NXPE4: variants seen among roughly 807,000 people sequenced by gnomAD.
NXPE4 encodes the protein neurexophilin and PC-esterase domain family member 4.
A neutral mutation model predicts 33.3 loss-of-function variants in NXPE4; 42 were observed. The observed-to-expected ratio is 1.26, with a 90% CI of 0.98 to 1.63. The LOEUF (loss-of-function observed/expected upper bound fraction) is 1.63. Ranked by LOEUF, NXPE4 falls within the 40% of genes most tolerant of loss-of-function variation. The pLI, the probability that NXPE4 is intolerant of heterozygous loss-of-function variation, is 0.00. For missense variants in NXPE4, 709 were observed against 647.6 expected (o/e 1.09, Z -1.03); for synonymous variants, 253 against 234.9 (o/e 1.08, Z -0.71).
At chr11:114,615,917 G>A in the NXPE4 span, among the ~76,000 whole-genome samples, 4 of 150,052 alleles carry the variant, frequency 2.7e-5, no homozygotes, top group African/African-American at 9.9e-5. Context: ...ACTGTTACCT[G>A]GTGGATAATA....
the NXPE4 span, among the ~76,000 whole-genome samples, chr11:114,616,992 A>G: frequency 6.6e-6 from 1 of 150,614 alleles, no homozygotes; most frequent in East Asian, 1.9e-4. Flanking sequence ...CCTTGTGGGT[A>G]ACCACTGTTA....
upstream of NXPE4, among the ~76,000 whole-genome samples, chr11:114,596,060 T>A (rs1246875759): frequency 1.3e-5 from 2 of 152,198 alleles, no homozygotes; most frequent in Non-Finnish European, 2.9e-5. Context: ...TTTGAATGAT[T>A]GAGAGTAATC....
At chr11:114,658,350 G>A in the NXPE4 span, among the ~76,000 whole-genome samples, 4 of 152,212 alleles carry the variant, frequency 2.6e-5, no homozygotes, top group Non-Finnish European at 4.4e-5. Context: ...TAGTATGAGA[G>A]TATAGAATTT....
At chr11:114,645,967 T>A in the NXPE4 span, among the ~76,000 whole-genome samples, 1 of 152,274 alleles carries the variant, frequency 6.6e-6, no homozygotes, top group South Asian at 2.1e-4. Context: ...TAAATATGTA[T>A]ATAGCCTTTG....
chr11:114,588,685 T>C (rs990302754), intron 2 of NXPE4, among the ~76,000 whole-genome samples: 3 of 152,156 alleles, frequency 2.0e-5, no homozygotes, highest in Admixed American at 6.5e-5. Flanking sequence ...AATGTGCATA[T>C]TGGGGGGCCT....
At chr11:114,609,877 C>A in the NXPE4 span, among the ~76,000 whole-genome samples, 4 of 151,626 alleles carry the variant, frequency 2.6e-5, no homozygotes, top group African/African-American at 7.3e-5. Context: ...CACTCTTACC[C>A]AGTGGATAAT....
the NXPE4 span, among the ~76,000 whole-genome samples, chr11:114,609,499 T>C: frequency 2.6e-5 from 4 of 150,980 alleles, no homozygotes; most frequent in African/African-American, 9.7e-5. Flanking sequence ...CATTGTTACC[T>C]GGTGGATAAT....
the NXPE4 span, among the ~76,000 whole-genome samples, chr11:114,665,625 T>C: frequency 2.0e-5 from 3 of 152,156 alleles, no homozygotes; most frequent in Admixed American, 1.3e-4. Context: ...CTAGAACAGA[T>C]TGCTAAGAGT....
chr11:114,649,833 T>C, the NXPE4 span, among the ~76,000 whole-genome samples: 2 of 152,206 alleles, frequency 1.3e-5, no homozygotes, highest in Admixed American at 6.5e-5. Flanking sequence ...TGTTCAAATA[T>C]GTACTTGAGG....
chr11:114,632,926 T>G, the NXPE4 span, among the ~76,000 whole-genome samples: 2 of 95,820 alleles, frequency 2.1e-5, no homozygotes, highest in South Asian at 6.0e-4. Flanking sequence ...TTTATATAAT[T>G]ATATAATAAT....
chr11:114,583,112 CAT>C, intron 2 of NXPE4, 91 bp from the exon 3 acceptor site: 1 of 1,347,262 alleles, frequency 7.4e-7, no homozygotes, highest in Middle Eastern at 1.9e-4. Flanking sequence ...ATGAAATTAA[CAT>C]GTTCCTAGTC....
intron 5 of NXPE4, among the ~76,000 whole-genome samples, chr11:114,577,378 G>C (rs1012525831): frequency 1.3e-5 from 2 of 151,760 alleles, no homozygotes; most frequent in African/African-American, 2.4e-5. Context: ...GAATGATACA[G>C]TGGACTTTGA....
chr11:114,582,547 G>T lies in NXPE4; in HGVS notation c.571C>A (p.Leu191Ile), dbSNP rs771129856. ...LIHPSEGVSA[L>I]WSARNQGYDR... ...TAGCCTTGGTTCCTTGCACTCCAGA[G>T]AGCTGACACCCCTTCACTGGGGTGG... Residue 191 changes from leucine to isoleucine, a missense_variant, in exon 3 of 6, where the codon CTC becomes ATC. Physicochemically the swap from Leu to Ile is conservative, Grantham distance 5. Coordinates refer to ENST00000375478, the MANE Select transcript of NXPE4 (RefSeq NM_001077639.2). 3.7e-6 allele frequency: 6 copies of T among 1,614,152 alleles called. No individual in the cohort carries two copies. The highest frequency in any genetic ancestry group is 5.1e-6 in the Non-Finnish European group (6 of 1,180,000).
chr11:114,588,094 C>A (rs1437313433), intron 2 of NXPE4, among the ~76,000 whole-genome samples: 3 of 152,100 alleles, frequency 2.0e-5, no homozygotes, highest in African/African-American at 7.2e-5. Context: ...CAGGAGGGCC[C>A]AAAGGGAATG....
chr11:114,652,378 G>A, the NXPE4 span, among the ~76,000 whole-genome samples: 2 of 152,178 alleles, frequency 1.3e-5, no homozygotes, highest in Non-Finnish European at 2.9e-5. Flanking sequence ...AAACTCCCTA[G>A]ACTGCGATTT....
At chr11:114,587,936 T>A (rs942700523) in intron 2 of NXPE4, among the ~76,000 whole-genome samples, 13 of 152,276 alleles carry the variant, frequency 8.5e-5, no homozygotes, top group African/African-American at 2.9e-4. Flanking sequence ...GAGCCTTAAT[T>A]TTAATACTAT....
At chr11:114,606,908 G>A in the NXPE4 span, among the ~76,000 whole-genome samples, 4 of 152,042 alleles carry the variant, frequency 2.6e-5, no homozygotes, top group South Asian at 8.3e-4. Context: ...CTGTTACCCG[G>A]TGGATAATAA....
At chr11:114,602,322 T>C in the NXPE4 span, among the ~76,000 whole-genome samples, 1 of 113,822 alleles carries the variant, frequency 8.8e-6, no homozygotes, top group Non-Finnish European at 1.7e-5. Flanking sequence ...ATATATATTA[T>C]ACTATATATA....
chr11:114,579,998 C>G (rs1949098397), intron 5 of NXPE4, 134 bp downstream of exon 5: 1 of 724,770 alleles, frequency 1.4e-6, no homozygotes, highest in Non-Finnish European at 2.4e-6. Flanking sequence ...ATAACAATGC[C>G]TTGTGAAAAA....
Sources: gnomAD v4.1 joint callset for allele counts (sites outside exome capture counted in the v4.1 genomes callset) on GRCh38, gnomAD v4.1.1 for gene constraint, MANE v1.5 for transcripts, NCBI Gene and HGNC (gene_info 2026-07-23, HGNC 2026-07-21) for gene names.